CALB2: variants seen among roughly 807,000 people sequenced by gnomAD.
CALB2 encodes calbindin 2.
In CALB2, 34 loss-of-function variants were observed where a neutral mutation model predicts 45.9. The observed-to-expected ratio is 0.74, with a 90% CI of 0.56 to 0.99. The LOEUF (loss-of-function observed/expected upper bound fraction) is 0.99, where lower values mean the gene tolerates loss of function less well. CALB2 is among the 50% of genes least tolerant of loss of function. The probability of loss-of-function intolerance (pLI) is 0.00; values close to 1 mark genes in which losing one functional copy is unlikely to be tolerated. For missense variants in CALB2, 344 were observed against 339.3 expected (o/e 1.01, Z -0.11); for synonymous variants, 142 against 129.6 (o/e 1.10, Z -0.65).
intron 1 of CALB2, among the ~76,000 whole-genome samples, chr16:71,365,103 C>A (rs1285492396): frequency 6.6e-6 from 1 of 152,190 alleles, no homozygotes; most frequent in Non-Finnish European, 1.5e-5. Context: ...ATTTCTTACC[C>A]CAAAGGGTAG....
intron 1 of CALB2, among the ~76,000 whole-genome samples, chr16:71,360,383 A>G (rs752724513): frequency 6.6e-6 from 1 of 152,324 alleles, no homozygotes; most frequent in Non-Finnish European, 1.5e-5. Context: ...GGAAGTGGGT[A>G]GATTGTTAAA....
At chr16:71,385,810 C>CTGGT (rs1335300476) in intron 10 of CALB2, among the ~76,000 whole-genome samples, 162 bp downstream of exon 10, 2 of 152,128 alleles carry the variant, frequency 1.3e-5, no homozygotes, top group Non-Finnish European at 2.9e-5. Flanking sequence ...TTTTTGATTT[C>CTGGT]TGGTTGGTTG....
chr16:71,378,197 C>T (rs754615751), intron 4 of CALB2, among the ~76,000 whole-genome samples: 7 of 152,036 alleles, frequency 4.6e-5, no homozygotes, highest in Admixed American at 2.0e-4. Flanking sequence ...GCACTCTCAG[C>T]TTGGGTGACA....
chr16:71,380,292 C>CTTTTTTT lies in CALB2; in HGVS notation c.343-2398_343-2392dup, dbSNP rs544138378. ...CTTTCTTTCTTCTTTCCTTCCTTTT[C>CTTTTTTT]TTTTTTTTTTTTTTTTTTTTTTTTT... On this transcript the variant is annotated intron_variant, in intron 4 of 10. Transcript: ENST00000302628. Among the ~76,000 whole-genome samples, 116 of 43,818 alleles carry CTTTTTTT rather than the reference C, an allele frequency of 2.6e-3. 1 individual carries two copies. Among genetic ancestry groups the CTTTTTTT allele is most frequent in the African/African-American group, 3.4e-3 (41 of 12,144 alleles). 28.7% of individuals were successfully genotyped at this position (43,818 alleles called of 152,430 possible). A position where few individuals can be genotyped will look rare whatever the true frequency, so the allele number is the denominator to read the frequency against.
At chr16:71,360,965 C>A (rs558436500) in intron 1 of CALB2, among the ~76,000 whole-genome samples, 177 of 152,264 alleles carry the variant, frequency 1.2e-3, no homozygotes, top group African/African-American at 4.0e-3. Context: ...TCCCATTCCC[C>A]CAAAGAAAAG....
In CALB2 at chr16:71,384,064, C is replaced by T. The variant is rs759392000; in HGVS notation, c.533+39C>T. 5 of 1,594,822 alleles carry T rather than the reference C, an allele frequency of 3.1e-6. No homozygotes were observed. The East Asian group carries it at 6.7e-5, about 21-fold the overall frequency. ...CCCCGGGGTCACTGATACTGGCTCCCACAGGTCATTCCTGTGTTATCCGTC... is the reference window on the plus strand; with the variant it reads ...CCCCGGGGTCACTGATACTGGCTCCTACAGGTCATTCCTGTGTTATCCGTC... On this transcript the variant is annotated intron_variant, in intron 7 of 10. Transcript: ENST00000302628.
At chr16:71,385,842 T>C (rs569516303) in intron 10 of CALB2, among the ~76,000 whole-genome samples, 194 bp downstream of exon 10, 2 of 152,346 alleles carry the variant, frequency 1.3e-5, no homozygotes, top group East Asian at 1.9e-4. Flanking sequence ...GATGTTTCTT[T>C]TTAAAATTTA....
intron 1 of CALB2, among the ~76,000 whole-genome samples, chr16:71,361,608 G>A (rs1419319573): frequency 6.6e-6 from 1 of 152,178 alleles, no homozygotes; most frequent in African/African-American, 2.4e-5. Context: ...CCAGAGAGTT[G>A]GAGCCACCTC....
chr16:71,380,456 GCAC>G (rs71153631), intron 4 of CALB2, among the ~76,000 whole-genome samples: 54,493 of 150,530 alleles, frequency 0.36, 10,331 homozygotes, highest in Admixed American at 0.49. Flanking sequence ...TTACAGGCAG[GCAC>G]CACCACTTCC....
intron 4 of CALB2, among the ~76,000 whole-genome samples, chr16:71,381,594 G>C (rs1209414659): frequency 6.6e-6 from 1 of 152,120 alleles, no homozygotes; most frequent in Non-Finnish European, 1.5e-5. Flanking sequence ...GGGGGAGGCA[G>C]GGGATAAGAT....
chr16:71,384,470 C>A, intron 8 of CALB2, 92 bp downstream of exon 8: 1 of 1,000,174 alleles, frequency 1.0e-6, no homozygotes, highest in Non-Finnish European at 1.6e-6. Flanking sequence ...ACACAACACA[C>A]TACACACACC....
chr16:71,363,236 T>G (rs1426458787), intron 1 of CALB2, among the ~76,000 whole-genome samples: 1 of 152,198 alleles, frequency 6.6e-6, no homozygotes, highest in East Asian at 1.9e-4. Context: ...AACAATGTGA[T>G]AGACACCTTT....
intron 1 of CALB2, among the ~76,000 whole-genome samples, chr16:71,359,821 A>G (rs1052170043): frequency 1.3e-5 from 2 of 152,224 alleles, no homozygotes; most frequent in African/African-American, 4.8e-5. Context: ...CTCTCTACGC[A>G]CAGACCTGGC....
intron 10 of CALB2, among the ~76,000 whole-genome samples, chr16:71,386,976 C>T (rs1429867537): frequency 3.3e-5 from 5 of 152,266 alleles, no homozygotes; most frequent in Non-Finnish European, 5.9e-5. Flanking sequence ...GGTGTTTGAA[C>T]TTTTTTCTTG....
intron 1 of CALB2, among the ~76,000 whole-genome samples, chr16:71,362,716 G>A (rs1054465459): frequency 6.6e-6 from 1 of 152,172 alleles, no homozygotes; most frequent in African/African-American, 2.4e-5. Flanking sequence ...AATGATATAT[G>A]TATGTTGCAG....
intron 1 of CALB2, among the ~76,000 whole-genome samples, chr16:71,370,694 G>A (rs901117899): frequency 1.3e-5 from 2 of 152,048 alleles, no homozygotes; most frequent in Non-Finnish European, 2.9e-5. Context: ...GAATAGTGCT[G>A]AACTCTAGCC....
At chr16:71,361,898 G>C (rs961512850) in intron 1 of CALB2, among the ~76,000 whole-genome samples, 6 of 152,142 alleles carry the variant, frequency 3.9e-5, no homozygotes, top group South Asian at 4.1e-4. Context: ...AGAGGTGAAG[G>C]GGGAACCAGG....
intron 1 of CALB2, among the ~76,000 whole-genome samples, chr16:71,371,060 G>A (rs2144966281): frequency 6.6e-6 from 1 of 152,334 alleles, no homozygotes; most frequent in Non-Finnish European, 1.5e-5. Flanking sequence ...CAACATTTAT[G>A]CTGCACTCAT....
At chr16:71,383,553 G>A in intron 6 of CALB2, 109 bp downstream of exon 6, 5 of 986,606 alleles carry the variant, frequency 5.1e-6, no homozygotes, top group Non-Finnish European at 6.1e-6. Context: ...AGGCCCAAGG[G>A]AAGTGATTCA....
Sources: gnomAD v4.1 joint callset for allele counts (sites outside exome capture counted in the v4.1 genomes callset) on GRCh38, gnomAD v4.1.1 for gene constraint, MANE v1.5 for transcripts, NCBI Gene and HGNC (gene_info 2026-07-23, HGNC 2026-07-21) for gene names.